The following MITF variants were observed in gnomAD, a reference collection of about 807,000 sequenced individuals.
MITF encodes the protein melanocyte inducing transcription factor.
A neutral mutation model predicts 60.5 loss-of-function variants in MITF; 17 were observed. That is an observed-to-expected ratio of 0.28 (90% CI 0.19 to 0.42). The LOEUF (loss-of-function observed/expected upper bound fraction) is 0.42. MITF is among the 10% of genes least tolerant of loss of function. MITF has a pLI of 1.00. For synonymous variants in MITF, 260 were observed against 248.5 expected (o/e 1.05, Z -0.43); for missense variants, 622 against 683.5 (o/e 0.91, Z 1.00).
At chr3:69,844,208 G>A (rs1229055428) in intron 1 of MITF, among the ~76,000 whole-genome samples, 1 of 152,136 alleles carries the variant, frequency 6.6e-6, no homozygotes, top group East Asian at 1.9e-4. Context: ...AAACATACAT[G>A]TGCATGTGTC....
rs551249884 is a variant in MITF at position 69,876,104 on chromosome 3, G to C, written c.105-3030G>C. On this transcript the variant is annotated intron_variant, in intron 1 of 9. Transcript: ENST00000352241. ...GACAGGATATTTCAGAAAATGCTTT[G>C]AATGATATTGTTGTCGACTTTCACG... Among the ~76,000 whole-genome samples, 835 of 151,920 alleles carry C rather than the reference G, an allele frequency of 5.5e-3. 5 individuals carry two copies. The highest frequency in any genetic ancestry group is 0.01 in the Middle Eastern group (3 of 292).
intron 1 of MITF, among the ~76,000 whole-genome samples, chr3:69,758,119 A>ATATG (rs2062157973): frequency 1.4e-5 from 2 of 141,874 alleles, no homozygotes; most frequent in African/African-American, 5.1e-5. Context: ...TATCATATGC[A>ATATG]CACACACACA....
intron 1 of MITF, among the ~76,000 whole-genome samples, chr3:69,853,871 T>C (rs1159395704): frequency 2.0e-5 from 3 of 151,666 alleles, no homozygotes; most frequent in Non-Finnish European, 4.4e-5. Context: ...GTCTTTTTTT[T>C]TTTTTTTTTG....
Position 69,801,949 on chromosome 3 carries a change from C to T in MITF, c.104+62248C>T, listed in dbSNP as rs896056177. Among the ~76,000 whole-genome samples the T allele has an allele frequency of 3.9e-5, 6 of 152,186 alleles. No individual in the cohort carries two copies. In the East Asian group the frequency reaches 1.2e-3, roughly 29 times the overall value. On this transcript the variant is annotated intron_variant, in intron 1 of 9. Coordinates refer to ENST00000352241, the MANE Select transcript of MITF (RefSeq NM_001354604.2). ...TGATTTGTCTCTATTCTGTGCCTGG[C>T]ATGTAATAGGCCCTCAATAAACATG...
Position 69,951,826 on chromosome 3 carries a change from A to G in MITF, c.895A>G (p.Thr299Ala). 1 of 1,613,524 alleles carries G rather than the reference A, an allele frequency of 6.2e-7. No homozygotes were observed. Among genetic ancestry groups the G allele is most frequent in the Non-Finnish European group, 8.5e-7 (1 of 1,179,640 alleles). ...KRELTACIFP[T>A]ESEARALAKE... ...CACGTGCACAGCGTGTATTTTTCCCACAGAGTCTGAAGCAAGAGCACTGGC... is the reference window on the plus strand; with the variant it reads ...CACGTGCACAGCGTGTATTTTTCCCGCAGAGTCTGAAGCAAGAGCACTGGC... Residue 299 changes from threonine to alanine, a missense_variant, in exon 7 of 10, where the codon ACA becomes GCA. Physicochemically the swap from Thr to Ala is moderately conservative, Grantham distance 58. Transcript: ENST00000352241.
chr3:69,837,804 A>G (rs2063562683), intron 1 of MITF, among the ~76,000 whole-genome samples: 4 of 152,186 alleles, frequency 2.6e-5, no homozygotes, highest in African/African-American at 9.7e-5. Context: ...CTTGATTACA[A>G]ACTGTTGCCC....
rs567790278 is a variant in MITF, at chr3:69,831,220, G to A, written c.105-47914G>A. Among the ~76,000 whole-genome samples, 449 of 152,252 alleles carry A rather than the reference G, an allele frequency of 2.9e-3. 3 individuals carry two copies. The highest frequency in any genetic ancestry group is 8.8e-3 in the African/African-American group (367 of 41,530). ...GCACATGATGGGCACGGAGTAAATGGCAGCCGTTAACAATTATGCTTCCCC... is the reference window on the plus strand; with the variant it reads ...GCACATGATGGGCACGGAGTAAATGACAGCCGTTAACAATTATGCTTCCCC... On this transcript the variant is annotated intron_variant, in intron 1 of 9. Coordinates refer to ENST00000352241, the MANE Select transcript of MITF (RefSeq NM_001354604.2).
In MITF at chr3:69,889,943, A is replaced by T. The variant is rs146103690; in HGVS notation, c.354+10560A>T. Among the ~76,000 whole-genome samples the T allele has an allele frequency of 1.3e-4, 20 of 152,280 alleles. No homozygotes were observed. In the East Asian group the frequency reaches 3.9e-3, roughly 29 times the overall value. On this transcript the variant is annotated intron_variant, in intron 2 of 9. Transcript: ENST00000352241. ...CAGAACTAAGGCATTAGCCAAGTAG[A>T]TGGAAAGTGCTCAGGAAAGGATTCT... is the stretch of plus-strand genomic sequence containing the variant.
intron 1 of MITF, among the ~76,000 whole-genome samples, chr3:69,844,968 AC>A (rs1321277311): frequency 1.3e-5 from 2 of 152,150 alleles, no homozygotes; most frequent in Non-Finnish European, 2.9e-5. Context: ...CTTCAGTTTT[AC>A]TTTTTTTAAT....
intron 3 of MITF, 133 bp from the exon 4 acceptor site, chr3:69,938,965 C>T (rs1268186467): frequency 6.5e-7 from 1 of 1,534,734 alleles, no homozygotes; most frequent in Admixed American, 2.0e-5. Flanking sequence ...ATTATTTCAT[C>T]TTTTGGTCAG....
At chr3:69,783,242 T>C (rs2062594023) in intron 1 of MITF, among the ~76,000 whole-genome samples, 2 of 152,156 alleles carry the variant, frequency 1.3e-5, no homozygotes, top group African/African-American at 4.8e-5. Context: ...TGTGGGGAAG[T>C]TGAGATACCT....
chr3:69,857,408 G>T (rs2063937973), intron 1 of MITF, among the ~76,000 whole-genome samples: 2 of 151,940 alleles, frequency 1.3e-5, no homozygotes, highest in African/African-American at 4.8e-5. Context: ...TAAACATGGG[G>T]TATGATATGC....
At chr3:69,804,148 G>T (rs1312278172) in intron 1 of MITF, among the ~76,000 whole-genome samples, 1 of 152,202 alleles carries the variant, frequency 6.6e-6, no homozygotes, top group African/African-American at 2.4e-5. Flanking sequence ...TCATGGGACA[G>T]CCAACTCTGT....
chr3:69,913,078 C>T (rs1161797223), intron 2 of MITF, among the ~76,000 whole-genome samples: 1 of 151,930 alleles, frequency 6.6e-6, no homozygotes, highest in Non-Finnish European at 1.5e-5. Flanking sequence ...ATTTAAAAAG[C>T]AAGCGGCAGA....
intron 1 of MITF, among the ~76,000 whole-genome samples, chr3:69,782,939 A>T (rs545920283): frequency 6.6e-6 from 1 of 152,236 alleles, no homozygotes; most frequent in South Asian, 2.1e-4. Context: ...CTTAACAGAG[A>T]TGAGAATAGA....
intron 1 of MITF, among the ~76,000 whole-genome samples, chr3:69,811,374 C>A (rs566323017): frequency 2.0e-5 from 3 of 152,116 alleles, no homozygotes; most frequent in Non-Finnish European, 4.4e-5. Context: ...TTCTGAGAAC[C>A]CAGGTGCATG....
Position 69,768,374 on chromosome 3 carries a change from C to G in MITF, c.104+28673C>G, listed in dbSNP as rs116244595. Among the ~76,000 whole-genome samples, 619 of 152,280 alleles carry G rather than the reference C, an allele frequency of 4.1e-3. 6 individuals carry two copies. Among genetic ancestry groups the G allele is most frequent in the African/African-American group, 0.014 (578 of 41,560 alleles). On this transcript the variant is annotated intron_variant, in intron 1 of 9. Transcript: ENST00000352241. ...ACCTTCCTCCCCTAATAAAAGACAC[C>G]TGTCTTCACTCCATAGATTGACAAG...
At chr3:69,746,999 G>A (rs1703752203) in intron 1 of MITF, among the ~76,000 whole-genome samples, 1 of 152,206 alleles carries the variant, frequency 6.6e-6, no homozygotes, top group Admixed American at 6.5e-5. Context: ...GATGCATGCT[G>A]TGAAGAGTAG....
At chr3:69,937,738 T>A in intron 2 of MITF, 84 bp from the exon 3 acceptor site, 1 of 1,153,338 alleles carries the variant, frequency 8.7e-7, no homozygotes, top group Non-Finnish European at 1.3e-6. Context: ...GCCTGGTCAG[T>A]TTCATGTTTG....
Sources: allele counts gnomAD v4.1 joint callset (sites outside exome capture counted in the v4.1 genomes callset), GRCh38; gene constraint gnomAD v4.1.1; transcripts MANE v1.5; gene names NCBI Gene and HGNC (gene_info 2026-07-23, HGNC 2026-07-21).